The following RUNDC3B variants were observed in gnomAD, a reference collection of about 807,000 sequenced individuals.
RUNDC3B encodes the protein RUN domain containing 3B, also known as RUN domain-containing protein 3B.
A neutral mutation model predicts 58.4 loss-of-function variants in RUNDC3B; 33 were observed. The observed-to-expected ratio is 0.56, with a 90% CI of 0.43 to 0.75. The LOEUF (loss-of-function observed/expected upper bound fraction) is 0.75. RUNDC3B is among the 30% of genes least tolerant of loss of function. RUNDC3B has a pLI of 0.00. For missense variants in RUNDC3B, 501 were observed against 535.7 expected (o/e 0.94, Z 0.64); for synonymous variants, 193 against 195.2 (o/e 0.99, Z 0.10).
At chr7:87,738,787 T>C (rs949822185) in intron 4 of RUNDC3B, among the ~76,000 whole-genome samples, 1 of 151,972 alleles carries the variant, frequency 6.6e-6, no homozygotes, top group Admixed American at 6.6e-5. Context: ...AAGTAATATG[T>C]TTGTAAAAAT....
chr7:87,706,186 G>A (rs1829570980), intron 3 of RUNDC3B, among the ~76,000 whole-genome samples: 1 of 152,100 alleles, frequency 6.6e-6, no homozygotes, highest in Admixed American at 6.5e-5. Context: ...TAAATTTGCT[G>A]TGCAAATACT....
intron 4 of RUNDC3B, among the ~76,000 whole-genome samples, chr7:87,715,951 G>A (rs1459933112): frequency 1.3e-5 from 2 of 152,058 alleles, no homozygotes; most frequent in Non-Finnish European, 2.9e-5. Context: ...AATAAAGACA[G>A]GAATTATCAT....
At position 87,819,057 on chromosome 7, in the gene RUNDC3B, A is replaced by G. The variant is rs865989798; in HGVS notation, c.1225+2795A>G. Among the ~76,000 whole-genome samples, 4 of 152,178 alleles carry G rather than the reference A, an allele frequency of 2.6e-5. No homozygotes were observed. The South Asian group carries it at 8.3e-4, about 32-fold the overall frequency. On this transcript the variant is annotated intron_variant, in intron 10 of 10. Transcript: ENST00000394654. ...ACCCAGCGACAGATGCATAAAGTACACAGACACACAGATATTCTGCTATGC... is the reference window on the plus strand; with the variant it reads ...ACCCAGCGACAGATGCATAAAGTACGCAGACACACAGATATTCTGCTATGC...
intron 2 of RUNDC3B, among the ~76,000 whole-genome samples, chr7:87,662,104 T>G (rs1456106595): frequency 6.6e-6 from 1 of 152,060 alleles, no homozygotes; most frequent in Non-Finnish European, 1.5e-5. Flanking sequence ...TAATTATTAG[T>G]TTTTTCCTGT....
intron 2 of RUNDC3B, among the ~76,000 whole-genome samples, chr7:87,669,354 G>A (rs1036755021): frequency 1.3e-5 from 2 of 151,566 alleles, no homozygotes; most frequent in African/African-American, 4.9e-5. Flanking sequence ...TCTTTATTTT[G>A]AGCCTATGAG....
At chr7:87,770,228 A>G (rs978349212) in intron 6 of RUNDC3B, among the ~76,000 whole-genome samples, 5 of 152,128 alleles carry the variant, frequency 3.3e-5, no homozygotes, top group Non-Finnish European at 7.4e-5. Flanking sequence ...GGGCAGTGAA[A>G]GGAACCCAGT....
At position 87,731,032 on chromosome 7, in the gene RUNDC3B, T is replaced by C. The variant is rs186690790; in HGVS notation, c.459-8759T>C. Among the ~76,000 whole-genome samples the C allele has an allele frequency of 2.0e-5, 3 of 152,268 alleles. No individual in the cohort carries two copies. In the East Asian group the frequency reaches 5.8e-4, roughly 29 times the overall value. ...TGTGCATGGGGTGCTTCCTGATGCCTACGTGGCTACAGTGACCAAAGACTA... is the reference window on the plus strand; with the variant it reads ...TGTGCATGGGGTGCTTCCTGATGCCCACGTGGCTACAGTGACCAAAGACTA... On this transcript the variant is annotated intron_variant, in intron 4 of 10. Coordinates refer to ENST00000394654, the MANE Select transcript of RUNDC3B (RefSeq NM_001134405.2).
At chr7:87,740,827 T>C (rs1356780085) in intron 5 of RUNDC3B, among the ~76,000 whole-genome samples, 1 of 152,210 alleles carries the variant, frequency 6.6e-6, no homozygotes, top group Non-Finnish European at 1.5e-5. Context: ...GATCCCTCTA[T>C]GGATGTTAAC....
intron 8 of RUNDC3B, among the ~76,000 whole-genome samples, chr7:87,800,165 C>G (rs1836056908): frequency 6.6e-6 from 1 of 152,092 alleles, no homozygotes; most frequent in Non-Finnish European, 1.5e-5. Context: ...TTATAAATGT[C>G]CAACAGCTGA....
chr7:87,677,986 C>T (rs1826548832), intron 2 of RUNDC3B, among the ~76,000 whole-genome samples: 1 of 152,102 alleles, frequency 6.6e-6, no homozygotes, highest in Non-Finnish European at 1.5e-5. Flanking sequence ...AAGAAATTCC[C>T]AGATAAAGGA....
chr7:87,788,703 CT>C (rs5885597), intron 8 of RUNDC3B, among the ~76,000 whole-genome samples: 16,413 of 128,092 alleles, frequency 0.13, 728 homozygotes, highest in East Asian at 0.28. Flanking sequence ...CTTTTCAAAA[CT>C]TTTTTTTTTT....
chr7:87,672,513 G>A (rs2130529719), intron 2 of RUNDC3B, among the ~76,000 whole-genome samples: 1 of 152,294 alleles, frequency 6.6e-6, no homozygotes, highest in East Asian at 1.9e-4. Context: ...TGGCTGCTTA[G>A]CCCTCTAGAT....
At chr7:87,755,551 T>C (rs1373293311) in intron 6 of RUNDC3B, among the ~76,000 whole-genome samples, 1 of 151,268 alleles carries the variant, frequency 6.6e-6, no homozygotes, top group Non-Finnish European at 1.5e-5. Flanking sequence ...CCATGATCAG[T>C]GCAAGGTTGG....
rs189572686 is a variant in RUNDC3B, at chr7:87,773,377, G to T, written c.798+2628G>T. 9.9e-5 allele frequency among the ~76,000 whole-genome samples: 15 copies of T among 151,144 alleles called. No homozygotes were observed. The East Asian group carries it at 1.4e-3, about 14-fold the overall frequency. ...TCACAAAGAATATATATCAGTGCTGGACTTACATATATTTAACAATATATC... is the reference window on the plus strand; with the variant it reads ...TCACAAAGAATATATATCAGTGCTGTACTTACATATATTTAACAATATATC... On this transcript the variant is annotated intron_variant, in intron 7 of 10. Coordinates refer to ENST00000394654, the MANE Select transcript of RUNDC3B (RefSeq NM_001134405.2).
intron 8 of RUNDC3B, among the ~76,000 whole-genome samples, chr7:87,790,161 T>G (rs1835445437): frequency 6.6e-6 from 1 of 152,166 alleles, no homozygotes; most frequent in Non-Finnish European, 1.5e-5. Context: ...ACACCCCCAG[T>G]TCCAGGTGGC....
chr7:87,663,763 C>T (rs1490868096), intron 2 of RUNDC3B, among the ~76,000 whole-genome samples: 1 of 152,050 alleles, frequency 6.6e-6, no homozygotes, highest in African/African-American at 2.4e-5. Context: ...ATTTATTTCT[C>T]AGTTCTGGAG....
intron 4 of RUNDC3B, among the ~76,000 whole-genome samples, chr7:87,727,512 G>C (rs1332310510): frequency 6.6e-6 from 1 of 151,874 alleles, no homozygotes. Flanking sequence ...AATTACATTG[G>C]AGAAATTGTT....
chr7:87,659,383 T>C (rs1431888274), intron 2 of RUNDC3B, among the ~76,000 whole-genome samples: 1 of 152,200 alleles, frequency 6.6e-6, no homozygotes, highest in East Asian at 1.9e-4. Context: ...TATCTCTTTA[T>C]ATAGATTTTT....
At position 87,732,497 on chromosome 7, in the gene RUNDC3B, CCAAGGAA is replaced by C. The variant is rs1831643279; in HGVS notation, c.459-7290_459-7284del. Among the ~76,000 whole-genome samples, 3 of 152,190 alleles carry C rather than the reference CCAAGGAA, an allele frequency of 2.0e-5. No homozygotes were observed. The South Asian group carries it at 6.2e-4, about 32-fold the overall frequency. The stretch of plus-strand genomic sequence containing the variant: ...CAAACGGCACTTGGAGTGCACTGAG[CCAAGGAA>C]CAAAGAAGGCCACATTGGGCACCAG... On this transcript the variant is annotated intron_variant, in intron 4 of 10. Transcript: ENST00000394654.
Sources: gnomAD v4.1 joint callset for allele counts (sites outside exome capture counted in the v4.1 genomes callset) on GRCh38, gnomAD v4.1.1 for gene constraint, MANE v1.5 for transcripts, NCBI Gene and HGNC (gene_info 2026-07-23, HGNC 2026-07-21) for gene names.